Variants in SGCD observed in about 807,000 individuals in gnomAD.
SGCD encodes sarcoglycan delta, also known as delta-sarcoglycan.
In SGCD, 18 loss-of-function variants were observed where a neutral mutation model predicts 36.6. The ratio of observed to expected loss-of-function variants is 0.49; its 90% CI spans 0.34 to 0.73. SGCD has a LOEUF of 0.73. Ranked by LOEUF, SGCD falls within the 30% of genes least tolerant of loss-of-function variation. SGCD has a pLI of 0.01. For synonymous variants in SGCD, 133 were observed against 130.6 expected (o/e 1.02, Z -0.12); for missense variants, 387 against 346.7 (o/e 1.12, Z -0.92).
At chr5:155,773,260 ATC>A in the SGCD span, among the ~76,000 whole-genome samples, 3 of 152,106 alleles carry the variant, frequency 2.0e-5, no homozygotes, top group African/African-American at 7.2e-5. Context: ...TTTGGAATAA[ATC>A]TCTTTCTTTA....
At chr5:156,202,876 C>T (rs1016179730) in intron 3 of SGCD, among the ~76,000 whole-genome samples, 14 of 150,602 alleles carry the variant, frequency 9.3e-5, no homozygotes, top group African/African-American at 3.2e-4. Context: ...AACAGTGTTT[C>T]CCAAAGTGAA....
intron 1 of SGCD, among the ~76,000 whole-genome samples, chr5:155,959,973 T>C (rs1176778729): frequency 6.6e-6 from 1 of 152,108 alleles, no homozygotes; most frequent in Non-Finnish European, 1.5e-5. Flanking sequence ...AAGGCCCTTG[T>C]CCTAACCCCA....
At chr5:155,923,084 C>A (rs930267899) in intron 1 of SGCD, among the ~76,000 whole-genome samples, 1 of 152,278 alleles carries the variant, frequency 6.6e-6, no homozygotes, top group East Asian at 1.9e-4. Context: ...TATGATAGAA[C>A]TGTGGCTTCA....
At chr5:155,995,672 A>T (rs890294935) in intron 1 of SGCD, among the ~76,000 whole-genome samples, 1 of 152,226 alleles carries the variant, frequency 6.6e-6, no homozygotes, top group Non-Finnish European at 1.5e-5. Flanking sequence ...TACAATCCTA[A>T]TACTACTCAG....
intron 1 of SGCD, among the ~76,000 whole-genome samples, chr5:155,990,703 A>T (rs900702859): frequency 6.6e-6 from 1 of 152,208 alleles, no homozygotes; most frequent in Non-Finnish European, 1.5e-5. Flanking sequence ...GCTAACATTT[A>T]TTGAATACTT....
intron 1 of SGCD, among the ~76,000 whole-genome samples, chr5:156,024,778 T>C (rs1012984488): frequency 6.6e-6 from 1 of 151,922 alleles, no homozygotes; most frequent in Non-Finnish European, 1.5e-5. Flanking sequence ...GGCAACATGG[T>C]GAAACCCCGT....
At chr5:156,332,864 T>A (rs115037475) in intron 2 of SGCD, among the ~76,000 whole-genome samples, 2,263 of 152,312 alleles carry the variant, frequency 0.015, 20 homozygotes, top group Non-Finnish European at 0.024. Context: ...CCTCTCCTGT[T>A]TGAATATTGT....
chr5:156,361,047 T>G (rs1187040155), intron 3 of SGCD, among the ~76,000 whole-genome samples: 1 of 152,200 alleles, frequency 6.6e-6, no homozygotes, highest in African/African-American at 2.4e-5. Flanking sequence ...ACTGTAATGC[T>G]GTAAGCCCCT....
intron 4 of SGCD, among the ~76,000 whole-genome samples, chr5:156,552,158 T>A (rs1046198140): frequency 1.3e-5 from 2 of 152,202 alleles, no homozygotes; most frequent in Non-Finnish European, 2.9e-5. Flanking sequence ...CCACTGCTCA[T>A]GCCACAGACA....
At chr5:156,189,461 C>T (rs868230597) in intron 3 of SGCD, among the ~76,000 whole-genome samples, 1 of 152,066 alleles carries the variant, frequency 6.6e-6, no homozygotes, top group African/African-American at 2.4e-5. Flanking sequence ...GATCATGTAA[C>T]AAAGCAGATA....
intron 3 of SGCD, among the ~76,000 whole-genome samples, chr5:156,391,989 C>T (rs575308130): frequency 2.6e-5 from 4 of 152,322 alleles, no homozygotes; most frequent in Non-Finnish European, 4.4e-5. Context: ...GGTGTTGCAA[C>T]ATGTCCCTGT....
intron 1 of SGCD, among the ~76,000 whole-genome samples, chr5:156,040,147 A>G (rs1281880318): frequency 6.6e-6 from 1 of 152,178 alleles, no homozygotes; most frequent in East Asian, 1.9e-4. Flanking sequence ...AAATATAATC[A>G]TTATCGTCAT....
chr5:155,784,675 T>C, the SGCD span, among the ~76,000 whole-genome samples: 9 of 150,208 alleles, frequency 6.0e-5, no homozygotes, highest in African/African-American at 2.2e-4. Flanking sequence ...TTGCATCCTC[T>C]TGCCTGAATC....
At chr5:156,422,758 G>A (rs1037555969) in intron 3 of SGCD, among the ~76,000 whole-genome samples, 12 of 152,078 alleles carry the variant, frequency 7.9e-5, no homozygotes, top group Admixed American at 4.6e-4. Context: ...CCTGCTAGTT[G>A]CCAGTAGCAA....
intron 3 of SGCD, among the ~76,000 whole-genome samples, chr5:156,357,630 T>C (rs1165779895): frequency 1.3e-5 from 2 of 152,232 alleles, no homozygotes; most frequent in Middle Eastern, 3.2e-3. Context: ...ATCATAATTT[T>C]GTTGCTTTTC....
At chr5:156,606,858 TG>T (rs1399737871) in intron 6 of SGCD, among the ~76,000 whole-genome samples, 1 of 152,216 alleles carries the variant, frequency 6.6e-6, no homozygotes, top group East Asian at 1.9e-4. Context: ...TGTCTGTTAT[TG>T]GTGTATAAGA....
At chr5:155,887,767 G>C (rs904083707) in intron 1 of SGCD, among the ~76,000 whole-genome samples, 3 of 152,168 alleles carry the variant, frequency 2.0e-5, no homozygotes, top group East Asian at 1.9e-4. Context: ...TTCTAAGCTA[G>C]AGAGTTATTT....
intron 3 of SGCD, among the ~76,000 whole-genome samples, chr5:156,252,244 AT>A (rs1040975855): frequency 2.0e-5 from 3 of 151,558 alleles, no homozygotes; most frequent in African/African-American, 7.3e-5. Context: ...CACCTGGCTA[AT>A]TTTGTATTTT....
chr5:156,257,071 T>G (rs984383955), intron 3 of SGCD, among the ~76,000 whole-genome samples: 2 of 151,956 alleles, frequency 1.3e-5, no homozygotes, highest in Non-Finnish European at 2.9e-5. Flanking sequence ...TCCTAGCTAC[T>G]CAGGAGGCTG....
Sources: allele counts gnomAD v4.1 joint callset (sites outside exome capture counted in the v4.1 genomes callset), GRCh38; gene constraint gnomAD v4.1.1; transcripts MANE v1.5; gene names NCBI Gene and HGNC (gene_info 2026-07-23, HGNC 2026-07-21).